The following NDUFS4 variants were observed in gnomAD, a reference collection of about 807,000 sequenced individuals.
The protein encoded by NDUFS4 is NADH:ubiquinone oxidoreductase subunit S4.
In NDUFS4, 28 loss-of-function variants were observed where a neutral mutation model predicts 24.3. The ratio of observed to expected loss-of-function variants is 1.15; its 90% confidence interval spans 0.85 to 1.58. NDUFS4 has a LOEUF of 1.58. Ranked by LOEUF, NDUFS4 falls within the 40% of genes most tolerant of loss-of-function variation. The probability of loss-of-function intolerance (pLI) is 0.00; values close to 1 mark genes in which losing one functional copy is unlikely to be tolerated. For missense variants in NDUFS4, 223 were observed against 207.9 expected, an observed-to-expected ratio of 1.07 and a Z score of -0.45; for synonymous variants, 93 against 69.7, an observed-to-expected ratio of 1.34 and a Z score of -1.67.
intron 4 of NDUFS4, among the ~76,000 whole-genome samples, chr5:53,659,949 G>A (rs1300556380): frequency 6.6e-6 from 1 of 151,922 alleles, no homozygotes; most frequent in East Asian, 1.9e-4. Context: ...AGAGACTAGG[G>A]TCTGACAAAT....
rs796960315 is a variant in NDUFS4, at chr5:53,572,957, G to GTTTTT, written c.98+12205_98+12209dup. 3.1e-4 allele frequency among the ~76,000 whole-genome samples: 32 copies of GTTTTT among 103,316 alleles called. 1 individual carries two copies. The highest frequency in any genetic ancestry group is 4.3e-4 in the Non-Finnish European group (21 of 48,958). The allele number at this position is 103,316 out of a possible 152,430, so 67.8% of individuals were successfully genotyped here. On this transcript the variant is annotated intron_variant, in intron 1 of 4. Transcript: ENST00000296684. The stretch of plus-strand genomic sequence containing the variant: ...CCGTGCCTGGCCTTTGTTGTTTTTT[G>GTTTTT]TTTTTTTTTTTTGTTTTTTTTTTTT...
At chr5:53,593,592 A>G (rs1344915324) in intron 1 of NDUFS4, among the ~76,000 whole-genome samples, 1 of 142,852 alleles carries the variant, frequency 7.0e-6, no homozygotes, top group Non-Finnish European at 1.5e-5. Flanking sequence ...CCTTAGGTTT[A>G]TGTTGCCCTT....
At chr5:53,583,871 G>A (rs894643004) in intron 1 of NDUFS4, among the ~76,000 whole-genome samples, 3 of 152,160 alleles carry the variant, frequency 2.0e-5, no homozygotes, top group African/African-American at 7.2e-5. Context: ...GCCAAGTGTT[G>A]CCAACCGTGG....
chr5:53,634,789 G>T (rs1751501734), intron 2 of NDUFS4, among the ~76,000 whole-genome samples: 1 of 151,420 alleles, frequency 6.6e-6, no homozygotes. Flanking sequence ...TGTTATATAA[G>T]TTCCAGGTAC....
chr5:53,591,243 G>T (rs546411301), intron 1 of NDUFS4, among the ~76,000 whole-genome samples: 1 of 152,128 alleles, frequency 6.6e-6, no homozygotes, highest in Non-Finnish European at 1.5e-5. Context: ...AATCATGAGT[G>T]TACAGATATC....
chr5:53,566,476 T>C (rs1246064015), intron 1 of NDUFS4, among the ~76,000 whole-genome samples: 1 of 152,160 alleles, frequency 6.6e-6, no homozygotes, highest in Non-Finnish European at 1.5e-5. Context: ...CCCACAGTAA[T>C]CCTATCAACT....
chr5:53,593,970 A>G (rs953887932), intron 1 of NDUFS4, among the ~76,000 whole-genome samples: 3 of 152,060 alleles, frequency 2.0e-5, no homozygotes, highest in African/African-American at 7.2e-5. Flanking sequence ...AATGTGGCCC[A>G]TCTTGGTGAA....
At chr5:53,605,593 G>A (rs1228085438) in intron 2 of NDUFS4, among the ~76,000 whole-genome samples, 1 of 152,182 alleles carries the variant, frequency 6.6e-6, no homozygotes, top group African/African-American at 2.4e-5. Flanking sequence ...CCCCAGCTTT[G>A]TTATACCTTT....
At chr5:53,566,995 C>T (rs4865547) in intron 1 of NDUFS4, among the ~76,000 whole-genome samples, 39,510 of 151,410 alleles carry the variant, frequency 0.26, 6,912 homozygotes, top group African/African-American at 0.49. Context: ...ATTACAGGCG[C>T]GCACCACCAC....
intron 4 of NDUFS4, among the ~76,000 whole-genome samples, chr5:53,660,370 G>T (rs140354889): frequency 0.029 from 4,362 of 152,100 alleles, 93 homozygotes; most frequent in Middle Eastern, 0.065. Context: ...TGGTGTATAT[G>T]TGCCACATTT....
intron 3 of NDUFS4, among the ~76,000 whole-genome samples, chr5:53,651,858 C>T (rs1262323563): frequency 2.0e-5 from 3 of 150,952 alleles, no homozygotes; most frequent in Non-Finnish European, 2.9e-5. Context: ...CTGCAAGCTC[C>T]GCCTCCCGGG....
chr5:53,646,395 T>C lies in NDUFS4; in HGVS notation c.340T>C (p.Trp114Arg), dbSNP rs1751865519. 2 of 1,613,570 alleles carry C rather than the reference T, an allele frequency of 1.2e-6. No individual in the cohort carries two copies. The highest frequency in any genetic ancestry group is 2.2e-5 in the East Asian group (1 of 44,848). The change falls in exon 3 of 5, where the codon TGG (tryptophan) becomes CGG (arginine). Residue 114 changes from tryptophan to arginine, a missense_variant. Transcript: ENST00000296684. Reference protein sequence around the residue: ...RERWENPLMGWASTADPLSNM... With the variant: ...RERWENPLMGRASTADPLSNM... ...GCGATGGGAAAATCCTTTGATGGGTTGGGCATCAACGTGAGTACTTTATTT... is the reference window on the plus strand; with the variant it reads ...GCGATGGGAAAATCCTTTGATGGGTCGGGCATCAACGTGAGTACTTTATTT...
chr5:53,679,996 A>AT (rs1419463098), intron 4 of NDUFS4, among the ~76,000 whole-genome samples: 1 of 152,076 alleles, frequency 6.6e-6, no homozygotes, highest in African/African-American at 2.4e-5. Flanking sequence ...TTTTCAACAT[A>AT]TTTTTTCAAA....
intron 1 of NDUFS4, among the ~76,000 whole-genome samples, chr5:53,579,385 A>T (rs982391497): frequency 6.6e-6 from 1 of 152,220 alleles, no homozygotes; most frequent in Admixed American, 6.5e-5. Flanking sequence ...CTAGACAATT[A>T]CCAGTACCTT....
chr5:53,666,074 T>C (rs1188391444), intron 4 of NDUFS4, among the ~76,000 whole-genome samples: 1 of 152,210 alleles, frequency 6.6e-6, no homozygotes, highest in African/African-American at 2.4e-5. Context: ...AATTACATAA[T>C]TGTTTTCAAA....
chr5:53,610,696 A>G (rs754583508), intron 2 of NDUFS4, among the ~76,000 whole-genome samples: 2 of 152,142 alleles, frequency 1.3e-5, no homozygotes, highest in African/African-American at 2.4e-5. Flanking sequence ...AAGCTTGCGA[A>G]TCATTCTCCT....
chr5:53,570,331 A>G (rs1195069351), intron 1 of NDUFS4, among the ~76,000 whole-genome samples: 3 of 152,166 alleles, frequency 2.0e-5, no homozygotes, highest in South Asian at 2.1e-4. Flanking sequence ...TTTGAACTTC[A>G]TATAAGTTTC....
chr5:53,581,905 A>C (rs1199206353), intron 1 of NDUFS4, among the ~76,000 whole-genome samples: 1 of 152,204 alleles, frequency 6.6e-6, no homozygotes, highest in Non-Finnish European at 1.5e-5. Flanking sequence ...TTCTAATATT[A>C]ATCATTAAAA....
At chr5:53,609,112 C>T (rs998825607) in intron 2 of NDUFS4, among the ~76,000 whole-genome samples, 17 of 152,198 alleles carry the variant, frequency 1.1e-4, no homozygotes, top group Admixed American at 1.1e-3. Context: ...CTATTTTCAT[C>T]TCCTATGAGT....
Sources: gnomAD v4.1 joint callset for allele counts (sites outside exome capture counted in the v4.1 genomes callset) on GRCh38, gnomAD v4.1.1 for gene constraint, MANE v1.5 for transcripts, NCBI Gene and HGNC (gene_info 2026-07-23, HGNC 2026-07-21) for gene names.